FRMD4A: variants seen among roughly 807,000 people sequenced by gnomAD.
FRMD4A encodes the protein FERM domain containing 4A.
FRMD4A carries 29 observed loss-of-function variants against 129.1 expected under a neutral mutation model. That is an observed-to-expected ratio of 0.22 (90% CI 0.17 to 0.31). FRMD4A has a LOEUF of 0.31. Among genes scored for constraint, FRMD4A ranks in the 10% least tolerant of loss-of-function variants. The probability of loss-of-function intolerance (pLI) is 1.00; values close to 1 mark genes in which losing one functional copy is unlikely to be tolerated. For missense variants in FRMD4A, 1,272 were observed against 1,375.8 expected (o/e 0.92, Z 1.19); for synonymous variants, 634 against 571.6 (o/e 1.11, Z -1.56).
intron 2 of FRMD4A, among the ~76,000 whole-genome samples, chr10:14,258,928 T>C (rs1263439164): frequency 6.6e-6 from 1 of 152,184 alleles, no homozygotes; most frequent in Admixed American, 6.5e-5. Context: ...CATGAATCTA[T>C]TCATAAAAAT....
At chr10:14,025,762 C>T (rs1477217215) in intron 2 of FRMD4A, among the ~76,000 whole-genome samples, 1 of 152,192 alleles carries the variant, frequency 6.6e-6, no homozygotes, top group Non-Finnish European at 1.5e-5. Flanking sequence ...CTAGGGACCT[C>T]GTATAAGTGA....
intron 2 of FRMD4A, among the ~76,000 whole-genome samples, chr10:14,260,549 A>G (rs531328844): frequency 6.2e-4 from 95 of 152,308 alleles, no homozygotes; most frequent in Admixed American, 5.0e-3. Context: ...CTTTCATGGC[A>G]TGGCACCTCA....
Position 14,330,645 on chromosome 10 carries a change from T to G in FRMD4A, c.-130A>C. The G allele has an allele frequency of 2.5e-6, 1 of 397,464 alleles. No homozygotes were observed. The highest frequency in any genetic ancestry group is 4.4e-6 in the Non-Finnish European group (1 of 225,830). 24.6% of individuals were successfully genotyped at this position (397,464 alleles called of 1,614,324 possible). ...TCTTTGCTGCAGATAGGTGTGTCCC[T>G]TTTTGCAAAATCAGATATCTGGGAG... On this transcript the variant is annotated 5_prime_UTR_variant, in exon 1 of 25. Transcript: ENST00000357447.
At chr10:14,215,981 T>C (rs532947084) in intron 2 of FRMD4A, among the ~76,000 whole-genome samples, 1 of 152,276 alleles carries the variant, frequency 6.6e-6, no homozygotes, top group Non-Finnish European at 1.5e-5. Flanking sequence ...CCACGTTGTT[T>C]TCCTCTTGAA....
chr10:13,955,916 C>T (rs1030534998), intron 2 of FRMD4A, among the ~76,000 whole-genome samples: 1 of 152,224 alleles, frequency 6.6e-6, no homozygotes, highest in Non-Finnish European at 1.5e-5. Context: ...TTTCCAGTTT[C>T]TCCCATTCTT....
At chr10:13,962,052 A>AATGAATGAATGAATGAATG (rs2095449000) in intron 2 of FRMD4A, among the ~76,000 whole-genome samples, 1 of 152,074 alleles carries the variant, frequency 6.6e-6, no homozygotes, top group African/African-American at 2.4e-5. Context: ...TGAATGAATG[A>AATGAATGAATGAATGAATG]ATGAATGAAT....
intron 2 of FRMD4A, chr10:13,890,531 G>A (rs898449331): frequency 6.1e-6 from 6 of 977,362 alleles, no homozygotes; most frequent in Non-Finnish European, 7.3e-6. Context: ...ATCAGGTCCA[G>A]GCAGATGTAT....
chr10:13,939,526 G>C (rs1215636750), intron 2 of FRMD4A, among the ~76,000 whole-genome samples: 1 of 152,108 alleles, frequency 6.6e-6, no homozygotes, highest in African/African-American at 2.4e-5. Flanking sequence ...CCACATTTTT[G>C]AGGGTTGTAC....
chr10:13,981,786 G>C (rs1361077564), intron 2 of FRMD4A, among the ~76,000 whole-genome samples: 1 of 150,666 alleles, frequency 6.6e-6, no homozygotes, highest in African/African-American at 2.4e-5. Context: ...AAGCAGGCTG[G>C]AGACTGCTCC....
chr10:13,728,573 C>CTTTTTTTTTTTTTTTTTT (rs10706168), intron 12 of FRMD4A, among the ~76,000 whole-genome samples: 917 of 78,236 alleles, frequency 0.012, 188 homozygotes, highest in African/African-American at 0.014. Flanking sequence ...GATTACCATT[C>CTTTTTTTTTTTTTTTTTT]TTTTTTTTTT....
chr10:14,103,750 A>G lies in FRMD4A; in HGVS notation c.45+226308T>C, dbSNP rs543743979. ...GCACCTTATTTCACTTGCCCGCCCT[A>G]TGGCCAGAGTCATTATTGGAATAAT... On this transcript the variant is annotated intron_variant, in intron 2 of 24. Coordinates refer to ENST00000357447, the MANE Select transcript of FRMD4A (RefSeq NM_018027.5). Among the ~76,000 whole-genome samples the G allele has an allele frequency of 9.9e-5, 15 of 152,276 alleles. 1 individual carries two copies. The East Asian group carries it at 2.7e-3, about 27-fold the overall frequency.
intron 3 of FRMD4A, 60 bp downstream of exon 3, chr10:13,858,787 A>G: frequency 1.1e-6 from 1 of 930,416 alleles, no homozygotes; most frequent in Non-Finnish European, 1.8e-6. Context: ...CAGCTGGATC[A>G]AGGTCTGAAA....
chr10:14,307,550 T>C (rs1436874519), intron 2 of FRMD4A, among the ~76,000 whole-genome samples: 2 of 152,214 alleles, frequency 1.3e-5, no homozygotes, highest in Admixed American at 6.5e-5. Flanking sequence ...GTCCCTTTGA[T>C]TGGAGCATCT....
chr10:14,198,147 A>T (rs1217699711), intron 2 of FRMD4A, among the ~76,000 whole-genome samples: 1 of 152,224 alleles, frequency 6.6e-6, no homozygotes, highest in South Asian at 2.1e-4. Flanking sequence ...GAATCAAAGG[A>T]ATCAATACCA....
At chr10:13,694,070 G>C in intron 14 of FRMD4A, 31 bp from the exon 15 acceptor site, 2 of 1,493,272 alleles carry the variant, frequency 1.3e-6, no homozygotes, top group South Asian at 2.8e-5. Context: ...GGTCAAAGAA[G>C]TGACGCTCAC....
chr10:13,809,321 G>A (rs1201884197), intron 4 of FRMD4A, among the ~76,000 whole-genome samples: 1 of 152,116 alleles, frequency 6.6e-6, no homozygotes, highest in Non-Finnish European at 1.5e-5. Flanking sequence ...TAGAGTTCAC[G>A]GGATCTTTTA....
rs1840888940 is a variant in FRMD4A, at chr10:14,161,551, T to C, written c.45+168507A>G. Among the ~76,000 whole-genome samples the C allele has an allele frequency of 1.3e-5, 2 of 152,132 alleles. 1 individual carries two copies. Among genetic ancestry groups the C allele is most frequent in the Admixed American group, 1.3e-4 (2 of 15,278 alleles). Reference sequence around the variant, plus strand: ...GATGGAAACGGAGGTCATTATGAAATAAGCCAGGCACAGAAAGAAAAATAT... The same window carrying C: ...GATGGAAACGGAGGTCATTATGAAACAAGCCAGGCACAGAAAGAAAAATAT... On this transcript the variant is annotated intron_variant, in intron 2 of 24. Transcript: ENST00000357447.
At chr10:13,925,566 C>T (rs1409636023) in intron 2 of FRMD4A, among the ~76,000 whole-genome samples, 3 of 61,948 alleles carry the variant, frequency 4.8e-5, no homozygotes, top group Admixed American at 2.6e-4. Flanking sequence ...TAGTGAAACG[C>T]TTTTTTTTTT....
chr10:14,168,423 A>AATT (rs913266290), intron 2 of FRMD4A, among the ~76,000 whole-genome samples: 2 of 152,180 alleles, frequency 1.3e-5, no homozygotes, highest in African/African-American at 4.8e-5. Context: ...CACCTGTCAA[A>AATT]ATTATTTGTC....
Sources: gnomAD v4.1 joint callset for allele counts (sites outside exome capture counted in the v4.1 genomes callset) on GRCh38, gnomAD v4.1.1 for gene constraint, MANE v1.5 for transcripts, NCBI Gene and HGNC (gene_info 2026-07-23, HGNC 2026-07-21) for gene names.